Variants in NELFCD observed in about 807,000 individuals in gnomAD.
NELFCD encodes the protein negative elongation factor complex member C/D, also known as negative elongation factor C/D.
NELFCD carries 48 observed loss-of-function variants against 72.9 expected under a neutral mutation model. The observed-to-expected ratio is 0.66, with a 90% CI of 0.52 to 0.84. NELFCD has a LOEUF of 0.84. NELFCD is among the 40% of genes least tolerant of loss of function. NELFCD has a pLI of 0.00. For missense variants in NELFCD, 538 were observed against 723.8 expected, an observed-to-expected ratio of 0.74 and a Z score of 2.94; for synonymous variants, 297 against 280.6, an observed-to-expected ratio of 1.06 and a Z score of -0.59.
At chr20:58,991,186 C>A in intron 8 of NELFCD, 111 bp downstream of exon 8, 1 of 1,548,432 alleles carries the variant, frequency 6.5e-7, no homozygotes, top group South Asian at 1.2e-5. Context: ...TTGTCCTGGT[C>A]CTTCCTCAGT....
rs1455984268 is a variant in NELFCD, at chr20:58,986,315, A to AC, written c.176+108dup. On this transcript the variant is annotated intron_variant, in intron 2 of 14. Transcript: ENST00000652272. This position sits in a 1 kb window ranked among gnomAD's most constrained non-coding sequence, Gnocchi z 4.4. Reference sequence around the variant, plus strand: ...GTAAAGCAAGAGTAACGCGAACTGAACTAAAGGCTTCAAGGGGGGGTCCCC... The same window carrying AC: ...GTAAAGCAAGAGTAACGCGAACTGAACCTAAAGGCTTCAAGGGGGGGTCCCC... 1.5e-5 allele frequency: 11 copies of AC among 731,410 alleles called. No individual in the cohort carries two copies. Among genetic ancestry groups the AC allele is most frequent in the Non-Finnish European group, 2.3e-5 (10 of 431,336 alleles). 45.3% of individuals were successfully genotyped at this position (731,410 alleles called of 1,614,324 possible).
At position 58,987,900 on chromosome 20, in the gene NELFCD, A is replaced by G. The variant is rs1176286408; in HGVS notation, c.396+83A>G. The G allele has an allele frequency of 4.1e-6, 4 of 970,416 alleles. No homozygotes were observed. The Admixed American group carries it at 5.8e-5, about 14-fold the overall frequency. The allele number at this position is 970,416 out of a possible 1,614,324, so 60.1% of individuals were successfully genotyped here. On this transcript the variant is annotated intron_variant, in intron 4 of 14. Coordinates refer to ENST00000652272, the MANE Select transcript of NELFCD (RefSeq NM_198976.4). ...TGTGTACAGTGGAGCGTGGCATATC[A>G]TGTAAGTAATGGCAGAGTTGAGGAC...
chr20:58,993,393 C>A lies in NELFCD; in HGVS notation c.1345-56C>A. The A allele has an allele frequency of 6.5e-7, 1 of 1,542,530 alleles. No individual in the cohort carries two copies. Among genetic ancestry groups the A allele is most frequent in the South Asian group, 1.1e-5 (1 of 88,098 alleles). On this transcript the variant is annotated intron_variant, in intron 11 of 14. Coordinates refer to ENST00000652272, the MANE Select transcript of NELFCD (RefSeq NM_198976.4). This position sits in a 1 kb window ranked among gnomAD's most constrained non-coding sequence, Gnocchi z 5.0. ...GTGGCTGTGACAGTGCCCAGTTTCTCTGTGTGCTGAGCGTGACCACACTGC... is the reference window on the plus strand; with the variant it reads ...GTGGCTGTGACAGTGCCCAGTTTCTATGTGTGCTGAGCGTGACCACACTGC...
chr20:58,989,059 T>C lies in NELFCD; in HGVS notation c.504+38T>C, dbSNP rs547919226. 3.6e-4 allele frequency: 530 copies of C among 1,459,720 alleles called. 6 individuals are homozygous for C. In the South Asian group the frequency reaches 5.1e-3, roughly 14 times the overall value. The allele number at this position is 1,459,720 out of a possible 1,614,324, so 90.4% of individuals were successfully genotyped here. Reference sequence around the variant, plus strand: ...CTAGAGTTAAGGAGAAAAGTGTTTATGAATGTTTATTTTTGGTTGTTGGTC... The same window carrying C: ...CTAGAGTTAAGGAGAAAAGTGTTTACGAATGTTTATTTTTGGTTGTTGGTC... On this transcript the variant is annotated intron_variant, in intron 5 of 14. Coordinates refer to ENST00000652272, the MANE Select transcript of NELFCD (RefSeq NM_198976.4).
At position 58,991,036 on chromosome 20, in the gene NELFCD, C is replaced by A; in HGVS notation, c.915C>A (p.Phe305Leu). Residue 305 changes from phenylalanine (F) to leucine (L), a missense_variant, in exon 8 of 15, where the codon TTC becomes TTA. Around this residue, in one of 3 missense-constraint regions of NELFCD, gnomAD observed 355 missense variants for 534.5 expected, o/e 0.66. Transcript: ENST00000652272. ...ACCCTGCTGACATCACCGTCCTGTT[C>A]AAGATGTTCACAAGCATGGACCCTC... ...ALNPADITVL[F>L]KMFTSMDPPP... 6.2e-7 allele frequency: 1 copy of A among 1,614,184 alleles called. No individual in the cohort carries two copies. The highest frequency in any genetic ancestry group is 8.5e-7 in the Non-Finnish European group (1 of 1,180,032).
At chr20:58,984,854 A>C (rs1312059530) in intron 1 of NELFCD, among the ~76,000 whole-genome samples, 1 of 152,232 alleles carries the variant, frequency 6.6e-6, no homozygotes, top group African/African-American at 2.4e-5. Flanking sequence ...GAAGCCCAAG[A>C]GAACAGACAA....
rs1215288726 is a variant in NELFCD at position 58,994,890 on chromosome 20, T to C, written c.*214T>C. ...TTCTCTGCTGTCAATCCAATACTGC[T>C]CCCAAATCCTGTTTTCAGTGTTCAT... is the stretch of plus-strand genomic sequence containing the variant. On this transcript the variant is annotated 3_prime_UTR_variant, in exon 15 of 15. Transcript: ENST00000652272. The C allele has an allele frequency of 1.3e-5, 7 of 557,022 alleles. No homozygotes were observed. The highest frequency in any genetic ancestry group is 3.2e-6 in the Non-Finnish European group (1 of 313,280). 34.5% of individuals were successfully genotyped at this position (557,022 alleles called of 1,614,324 possible).
In NELFCD at chr20:58,994,770, C is replaced by A; in HGVS notation, c.*94C>A. On this transcript the variant is annotated 3_prime_UTR_variant, in exon 15 of 15. Transcript: ENST00000652272. Reference sequence around the variant, plus strand: ...CTGTTTTAAGAGGCTCGGGCAGCGTCTTGAAAATGGGCACCGCTGGGAGGA... The same window carrying A: ...CTGTTTTAAGAGGCTCGGGCAGCGTATTGAAAATGGGCACCGCTGGGAGGA... 1 of 1,033,052 alleles carries A rather than the reference C, an allele frequency of 9.7e-7. No individual in the cohort carries two copies. Among genetic ancestry groups the A allele is most frequent in the South Asian group, 1.3e-5 (1 of 74,478 alleles). 64.0% of individuals were successfully genotyped at this position (1,033,052 alleles called of 1,614,324 possible). A position where few individuals can be genotyped will look rare whatever the true frequency, so the allele number is the denominator to read the frequency against.
Position 58,993,554 on chromosome 20 carries a change from G to A in NELFCD, c.1440+10G>A, listed in dbSNP as rs758072798. 6.2e-7 allele frequency: 1 copy of A among 1,614,224 alleles called. No individual in the cohort carries two copies. The highest frequency in any genetic ancestry group is 1.1e-5 in the South Asian group (1 of 91,088). ...GGACGTGATGGAGCAGGTGAGCAGT[G>A]CCCGTGGGGCTTGCCAGAGGGCTGA... On this transcript the variant is annotated intron_variant, in intron 12 of 14. Coordinates refer to ENST00000652272, the MANE Select transcript of NELFCD (RefSeq NM_198976.4). This position sits in a 1 kb window ranked among gnomAD's most constrained non-coding sequence, Gnocchi z 5.0.
chr20:58,991,584 T>A, intron 9 of NELFCD, 138 bp downstream of exon 9: 1 of 989,218 alleles, frequency 1.0e-6, no homozygotes, highest in Non-Finnish European at 1.5e-6. Flanking sequence ...TGTTTCTGCG[T>A]AGAGAAAGCA....
Position 58,994,000 on chromosome 20 carries a change from C to T in NELFCD, c.1582-110C>T, listed in dbSNP as rs1011623011. 31 of 1,346,088 alleles carry T rather than the reference C, an allele frequency of 2.3e-5. No homozygotes were observed. The highest frequency in any genetic ancestry group is 5.8e-5 in the African/African-American group (4 of 69,408). The allele number at this position is 1,346,088 out of a possible 1,614,324, so 83.4% of individuals were successfully genotyped here. A position where few individuals can be genotyped will look rare whatever the true frequency, so the allele number is the denominator to read the frequency against. On this transcript the variant is annotated intron_variant, in intron 13 of 14. Coordinates refer to ENST00000652272, the MANE Select transcript of NELFCD (RefSeq NM_198976.4). This position sits in a 1 kb window ranked among gnomAD's most constrained non-coding sequence, Gnocchi z 5.0. Reference sequence around the variant, plus strand: ...GTTGGAGATGGGTGGTGTCACCGGCCGGTGGGGGTGGGGAGGGATTTTTTC... The same window carrying T: ...GTTGGAGATGGGTGGTGTCACCGGCTGGTGGGGGTGGGGAGGGATTTTTTC...
rs769704967 is a variant in NELFCD at position 58,991,920 on chromosome 20, A to G, written c.1129A>G (p.Thr377Ala). Residue 377 changes from threonine to alanine, a missense_variant, in exon 10 of 15, where the codon ACG becomes GCG. Thr to Ala is a moderately conservative substitution (Grantham distance 58, BLOSUM62 0). Around this residue, in one of 3 missense-constraint regions of NELFCD, gnomAD observed 355 missense variants for 534.5 expected, o/e 0.66. Coordinates refer to ENST00000652272, the MANE Select transcript of NELFCD (RefSeq NM_198976.4). Reference sequence around the variant, plus strand: ...CATCAATAAAGATGAGCTGAAGTCAACGTCAAAAGCTGTCGAAACCGTTCA... The same window carrying G: ...CATCAATAAAGATGAGCTGAAGTCAGCGTCAAAAGCTGTCGAAACCGTTCA... ...VSINKDELKSTSKAVETVHNL... is the reference protein window; with the variant it reads ...VSINKDELKSASKAVETVHNL... 7 of 1,614,262 alleles carry G rather than the reference A, an allele frequency of 4.3e-6. No homozygotes were observed. Among genetic ancestry groups the G allele is most frequent in the Non-Finnish European group, 5.9e-6 (7 of 1,180,046 alleles).
chr20:58,982,388 C>T (rs1407262258), intron 1 of NELFCD, among the ~76,000 whole-genome samples: 2 of 151,976 alleles, frequency 1.3e-5, no homozygotes, highest in Non-Finnish European at 2.9e-5. Flanking sequence ...AAACTCTTGA[C>T]CTCAGGTGAT....
chr20:58,991,097 C>T (rs2091813237), intron 8 of NELFCD, 22 bp downstream of exon 8: 1 of 1,608,620 alleles, frequency 6.2e-7, no homozygotes, highest in Non-Finnish European at 8.5e-7. Flanking sequence ...CTCAAGAATC[C>T]CCAATGTCAG....
rs938325071 is a variant in NELFCD at position 58,983,936 on chromosome 20, C to G, written c.61-2157C>G. On this transcript the variant is annotated intron_variant, in intron 1 of 14. Transcript: ENST00000652272. Reference sequence around the variant, plus strand: ...TGGCCCACTGACACCAGTGGGCTCTCATGGATGAGGGGGGTGGACCAGACG... The same window carrying G: ...TGGCCCACTGACACCAGTGGGCTCTGATGGATGAGGGGGGTGGACCAGACG... 4.6e-5 allele frequency among the ~76,000 whole-genome samples: 7 copies of G among 152,054 alleles called. No homozygotes were observed. In the East Asian group the frequency reaches 1.4e-3, roughly 29 times the overall value.
Position 58,994,216 on chromosome 20 carries a change from A to C in NELFCD, c.1688A>C (p.His563Pro), listed in dbSNP as rs753412334. 6.2e-7 allele frequency: 1 copy of C among 1,614,184 alleles called. No individual in the cohort carries two copies. The highest frequency in any genetic ancestry group is 8.5e-7 in the Non-Finnish European group (1 of 1,180,016). ...IAGTIKTEGE[H>P]DPVTEFIAHC... ...GGTACCATCAAAACGGAAGGCGAGC[A>C]TGACCCTGTGACGGAGTTTATAGGT... Residue 563 changes from histidine (H) to proline (P), a missense_variant, in exon 14 of 15, where the codon CAT becomes CCT. His to Pro is a moderately conservative substitution (Grantham distance 77). Coordinates refer to ENST00000652272, the MANE Select transcript of NELFCD (RefSeq NM_198976.4).
rs150325198 is a variant in NELFCD at position 58,991,315 on chromosome 20, C to G, written c.958C>G (p.Arg320Gly). 6.2e-7 allele frequency: 1 copy of G among 1,614,212 alleles called. No individual in the cohort carries two copies. The highest frequency in any genetic ancestry group is 8.5e-7 in the Non-Finnish European group (1 of 1,180,044). ...SMDPPPVELI[R>G]VPAFLDLFMQ... ...CTGGGCATATGCTTCTCCTCAGATC[C>G]GCGTTCCAGCCTTCCTGGACCTGTT... Residue 320 changes from arginine (R) to glycine (G), a missense_variant, in exon 9 of 15, where the codon CGC becomes GGC. By Grantham distance (125) the Arg-to-Gly change is moderately radical (BLOSUM62 -2). Around this residue, in one of 3 missense-constraint regions of NELFCD, gnomAD observed 355 missense variants for 534.5 expected, o/e 0.66. Coordinates refer to ENST00000652272, the MANE Select transcript of NELFCD (RefSeq NM_198976.4).
At chr20:58,988,771 G>C (rs937615766) in intron 4 of NELFCD, 143 bp from the exon 5 acceptor site, 9 of 617,654 alleles carry the variant, frequency 1.5e-5, no homozygotes, top group South Asian at 9.3e-5. Flanking sequence ...GCTGTGGCCA[G>C]CTCTGGGTCT....
rs1376493495 is a variant in NELFCD at position 58,989,447 on chromosome 20, C to G, written c.505-41C>G. On this transcript the variant is annotated intron_variant, in intron 5 of 14. Coordinates refer to ENST00000652272, the MANE Select transcript of NELFCD (RefSeq NM_198976.4). ...AGCCAGCTTCCCGTGGAGGTGCGGTCACTGCATGCCTCCCCTCTGACTTCT... is the reference window on the plus strand; with the variant it reads ...AGCCAGCTTCCCGTGGAGGTGCGGTGACTGCATGCCTCCCCTCTGACTTCT... The G allele has an allele frequency of 6.9e-6, 11 of 1,604,370 alleles. No individual in the cohort carries two copies. The Middle Eastern group carries it at 6.6e-4, about 97-fold the overall frequency.
Sources: gnomAD v4.1 joint callset for allele counts (sites outside exome capture counted in the v4.1 genomes callset) on GRCh38, gnomAD v4.1.1 for gene constraint, gnomAD v4.1.1 regional missense constraint, Gnocchi (gnomAD v3.1) non-coding constraint, MANE v1.5 for transcripts, NCBI Gene and HGNC (gene_info 2026-07-23, HGNC 2026-07-21) for gene names.